CNGA3: variants seen among roughly 807,000 people sequenced by gnomAD.
CNGA3 encodes cyclic nucleotide gated channel subunit alpha 3, also known as cyclic nucleotide-gated channel alpha-3.
Under a neutral mutation model 46.6 loss-of-function variants are expected in CNGA3, and 42 were observed. The observed-to-expected ratio is 0.90, with a 90% confidence interval of 0.70 to 1.17. The LOEUF is 1.17. Ranked by LOEUF, CNGA3 falls within the 50% of genes most tolerant of loss-of-function variation. CNGA3 has a pLI of 0.00. For synonymous variants in CNGA3, 394 were observed against 369.4 expected (o/e 1.07, Z -0.76); for missense variants, 893 against 890.7 (o/e 1.00, Z -0.03).
intron 1 of CNGA3, among the ~76,000 whole-genome samples, chr2:98,360,563 T>C (rs1408682041): frequency 6.6e-6 from 1 of 152,258 alleles, no homozygotes; most frequent in Non-Finnish European, 1.5e-5. Flanking sequence ...AAGCCCCAGC[T>C]TCTAGCATAT....
rs2104251632 is a variant in CNGA3 at position 98,397,287 on chromosome 2, T to C, written c.*32T>C. On this transcript the variant is annotated 3_prime_UTR_variant, in exon 8 of 8. Coordinates refer to ENST00000272602, the MANE Select transcript of CNGA3 (RefSeq NM_001298.3). ...AGCATCTGTCTCCTGCTTCACAGGG[T>C]CGACTGTCAGGGTGACCGTATGTGG... 2.5e-6 allele frequency: 4 copies of C among 1,608,316 alleles called. No individual in the cohort carries two copies. Among genetic ancestry groups the C allele is most frequent in the Non-Finnish European group, 3.4e-6 (4 of 1,176,414 alleles).
At chr2:98,382,206 T>C (rs1408044622) in intron 4 of CNGA3, among the ~76,000 whole-genome samples, 4 of 152,164 alleles carry the variant, frequency 2.6e-5, no homozygotes, top group African/African-American at 9.7e-5. Flanking sequence ...GGTGAGGATT[T>C]TGAATTTTTC....
chr2:98,388,126 A>AC (rs1186953265), intron 5 of CNGA3, among the ~76,000 whole-genome samples: 1 of 152,088 alleles, frequency 6.6e-6, no homozygotes, highest in African/African-American at 2.4e-5. Flanking sequence ...CGCTGGAAGC[A>AC]CCCCTTGCCA....
intron 3 of CNGA3, chr2:98,378,238 A>G (rs759373651): frequency 1.8e-5 from 28 of 1,539,726 alleles, no homozygotes; most frequent in Non-Finnish European, 1.2e-5. Context: ...TGTCCTTGCA[A>G]AAGCATTTGT....
Position 98,378,064 on chromosome 2 carries a change from A to C in CNGA3, c.215+264A>C, listed in dbSNP as rs1245352119. The C allele has an allele frequency of 1.9e-6, 3 of 1,550,640 alleles. No individual in the cohort carries two copies. The East Asian group carries it at 7.3e-5, about 38-fold the overall frequency. ...CATTGAGGTACTTGCTCAGGTTTGG[A>C]AGAATTCAGAAAAAAAGCCAACCGG... is the stretch of plus-strand genomic sequence containing the variant. On this transcript the variant is annotated intron_variant, in intron 3 of 7. Coordinates refer to ENST00000272602, the MANE Select transcript of CNGA3 (RefSeq NM_001298.3).
chr2:98,375,245 CT>C (rs1692379309), intron 2 of CNGA3, among the ~76,000 whole-genome samples: 1 of 152,250 alleles, frequency 6.6e-6, no homozygotes, highest in African/African-American at 2.4e-5. Flanking sequence ...AGGATGTGCC[CT>C]CATGCAATTA....
intron 1 of CNGA3, among the ~76,000 whole-genome samples, chr2:98,353,610 T>A (rs1054673046): frequency 6.6e-6 from 1 of 152,226 alleles, no homozygotes; most frequent in African/African-American, 2.4e-5. Flanking sequence ...TGCATTAGGT[T>A]AGTACAAAAG....
At chr2:98,387,557 C>A (rs1692679303) in intron 5 of CNGA3, among the ~76,000 whole-genome samples, 1 of 152,152 alleles carries the variant, frequency 6.6e-6, no homozygotes, top group African/African-American at 2.4e-5. Context: ...AAAAGACACC[C>A]AATAAAGAAG....
intron 4 of CNGA3, among the ~76,000 whole-genome samples, chr2:98,383,046 C>T (rs921705040): frequency 2.0e-5 from 3 of 152,198 alleles, no homozygotes; most frequent in African/African-American, 7.2e-5. Flanking sequence ...CTGTGCCCCT[C>T]TTAGTGCCTG....
In CNGA3 at chr2:98,396,501, T is replaced by C. The variant is rs2104247886; in HGVS notation, c.1331T>C (p.Leu444Pro). ...CGGGTTATCCGGTGGTTTGACTACC[T>C]GTGGGCCAACAAGAAGACGGTGGAT... ...ETRVIRWFDY[L>P]WANKKTVDEK... Residue 444 changes from leucine (L) to proline (P), a missense_variant, in exon 8 of 8, where the codon CTG (leucine) becomes CCG (proline). This residue lies in a region of CNGA3 where 548 missense variants were observed against 570.8 expected (regional missense o/e 0.96). Coordinates refer to ENST00000272602, the MANE Select transcript of CNGA3 (RefSeq NM_001298.3). The C allele has an allele frequency of 6.2e-7, 1 of 1,613,842 alleles. No homozygotes were observed. The highest frequency in any genetic ancestry group is 1.1e-5 in the South Asian group (1 of 91,050).
In CNGA3 at chr2:98,383,394, G is replaced by C; in HGVS notation, c.402G>C (p.Trp134Cys). The change falls in exon 5 of 8, where the codon TGG (tryptophan) becomes TGC (cysteine). Residue 134 changes from tryptophan to cysteine, a missense_variant. Coordinates refer to ENST00000272602, the MANE Select transcript of CNGA3 (RefSeq NM_001298.3). ...QEPADRGRSA[W>C]PLAKCNTNTS... ...TCTCTCTACCTTCCCGCAGCGCCTG[G>C]CCCCTGGCCAAATGCAACACTAACA... 1 of 1,614,094 alleles carries C rather than the reference G, an allele frequency of 6.2e-7. No homozygotes were observed. The highest frequency in any genetic ancestry group is 2.2e-5 in the East Asian group (1 of 44,874).
intron 1 of CNGA3, among the ~76,000 whole-genome samples, chr2:98,359,182 TC>T (rs1426323200): frequency 6.6e-6 from 1 of 152,204 alleles, no homozygotes; most frequent in Non-Finnish European, 1.5e-5. Flanking sequence ...AGAGCCACCT[TC>T]CTGAGGGATG....
chr2:98,383,482 G>C (rs1271565457), intron 5 of CNGA3, 41 bp downstream of exon 5: 1 of 1,607,528 alleles, frequency 6.2e-7, no homozygotes, highest in Admixed American at 1.7e-5. Context: ...CCCAAGCCCG[G>C]TGCCCTCCAC....
intron 1 of CNGA3, among the ~76,000 whole-genome samples, chr2:98,355,419 G>T (rs988745568): frequency 6.6e-6 from 1 of 152,076 alleles, no homozygotes; most frequent in Non-Finnish European, 1.5e-5. Context: ...GGACCCTCAG[G>T]TGTAATATTT....
intron 2 of CNGA3, among the ~76,000 whole-genome samples, chr2:98,371,025 A>G (rs903209934): frequency 3.3e-5 from 5 of 152,066 alleles, no homozygotes; most frequent in Admixed American, 6.6e-5. Flanking sequence ...GGGTTTTGCC[A>G]TGTTGGCCAT....
At chr2:98,363,983 G>T (rs56112202) in intron 1 of CNGA3, among the ~76,000 whole-genome samples, 29,161 of 152,080 alleles carry the variant, frequency 0.19, 3,201 homozygotes, top group Non-Finnish European at 0.26. Context: ...CTCCTTTATT[G>T]GGTGCATATA....
In CNGA3 at chr2:98,387,981, A is replaced by G. The variant is rs145320309; in HGVS notation, c.450-1677A>G. Among the ~76,000 whole-genome samples the G allele has an allele frequency of 1.1e-3, 174 of 152,276 alleles. 1 individual carries two copies. The highest frequency in any genetic ancestry group is 3.9e-3 in the African/African-American group (162 of 41,554). ...CTCTGGCTGTTTGTGACTTCCCAGG[A>G]GCTCATGAAAATAGATCAGAAATTG... is the stretch of plus-strand genomic sequence containing the variant. On this transcript the variant is annotated intron_variant, in intron 5 of 7. Transcript: ENST00000272602.
intron 7 of CNGA3, among the ~76,000 whole-genome samples, chr2:98,393,805 A>G (rs1334479708): frequency 6.6e-6 from 1 of 152,052 alleles, no homozygotes; most frequent in Non-Finnish European, 1.5e-5. Flanking sequence ...TCCAAGGAAA[A>G]CATCATTAGA....
intron 1 of CNGA3, among the ~76,000 whole-genome samples, chr2:98,351,391 A>G (rs1480679488): frequency 6.6e-6 from 1 of 152,220 alleles, no homozygotes; most frequent in Non-Finnish European, 1.5e-5. Context: ...GATAGTGAAT[A>G]AGTCTCATGA....
Sources: allele counts gnomAD v4.1 joint callset (sites outside exome capture counted in the v4.1 genomes callset), GRCh38; gene constraint gnomAD v4.1.1; regional missense constraint gnomAD v4.1.1; transcripts MANE v1.5; gene names NCBI Gene and HGNC (gene_info 2026-07-23, HGNC 2026-07-21).